ZNF385D: variants seen among roughly 807,000 people sequenced by gnomAD.
ZNF385D encodes zinc finger protein 385D, also known as zinc finger protein 659.
A neutral mutation model predicts 35.8 loss-of-function variants in ZNF385D; 15 were observed. The ratio of observed to expected loss-of-function variants is 0.42; its 90% CI spans 0.28 to 0.64. The LOEUF (loss-of-function observed/expected upper bound fraction) is 0.64, where lower values mean the gene tolerates loss of function less well. ZNF385D is among the 30% of genes least tolerant of loss of function. ZNF385D has a pLI of 0.23. For missense variants in ZNF385D, 474 were observed against 494.6 expected (o/e 0.96, Z 0.39); for synonymous variants, 212 against 186.8 (o/e 1.13, Z -1.10).
chr3:21,909,904 G>T (rs1559745205), intron 3 of ZNF385D, among the ~76,000 whole-genome samples: 1 of 151,980 alleles, frequency 6.6e-6, no homozygotes, highest in Non-Finnish European at 1.5e-5. Flanking sequence ...ATGTATCATT[G>T]TTGATATATG....
chr3:22,169,058 G>C (rs1231129382), intron 2 of ZNF385D: 13 of 968,704 alleles, frequency 1.3e-5, no homozygotes, highest in South Asian at 4.8e-5. Flanking sequence ...GGAAAATTAT[G>C]AACAAGCAGA....
chr3:22,244,364 T>TAAAAAAAAAAAAAAAAAAAA (rs34497539), intron 2 of ZNF385D, among the ~76,000 whole-genome samples: 3 of 62,562 alleles, frequency 4.8e-5, no homozygotes, highest in South Asian at 1.0e-3. Flanking sequence ...CAACCGAATG[T>TAAAAAAAAAAAAAAAAAAAA]AAAAAAAAAA....
intron 3 of ZNF385D, among the ~76,000 whole-genome samples, chr3:21,554,735 C>A (rs958512057): frequency 2.0e-5 from 3 of 152,178 alleles, no homozygotes; most frequent in African/African-American, 4.8e-5. Context: ...TTACTTGCTG[C>A]AGCTCCTACA....
intron 1 of ZNF385D, among the ~76,000 whole-genome samples, chr3:21,714,440 T>G (rs780338458): frequency 1.5e-4 from 23 of 152,196 alleles, no homozygotes; most frequent in Admixed American, 3.3e-4. Context: ...CAACAGAAGA[T>G]AAGTATCATA....
At chr3:22,182,578 A>C (rs985516455) in intron 2 of ZNF385D, among the ~76,000 whole-genome samples, 1 of 152,066 alleles carries the variant, frequency 6.6e-6, no homozygotes, top group African/African-American at 2.4e-5. Context: ...AGATACATTG[A>C]CTAATGTATC....
At chr3:21,766,583 G>C (rs985628311) in intron 3 of ZNF385D, among the ~76,000 whole-genome samples, 2 of 152,142 alleles carry the variant, frequency 1.3e-5, no homozygotes, top group African/African-American at 4.8e-5. Flanking sequence ...TGCAAATCTT[G>C]AGGGAGATAT....
chr3:21,709,480 T>C (rs1010557965), intron 1 of ZNF385D, among the ~76,000 whole-genome samples: 3 of 127,134 alleles, frequency 2.4e-5, no homozygotes, highest in South Asian at 2.4e-4. Context: ...TCCTGAGGCT[T>C]CTATGAAAAC....
intron 3 of ZNF385D, among the ~76,000 whole-genome samples, chr3:21,530,393 G>A (rs2061894431): frequency 6.6e-6 from 1 of 152,194 alleles, no homozygotes; most frequent in Non-Finnish European, 1.5e-5. Flanking sequence ...TTAGGGAGAA[G>A]TACTGGAGTC....
At chr3:21,761,383 G>A (rs2070601136) in intron 3 of ZNF385D, among the ~76,000 whole-genome samples, 1 of 152,202 alleles carries the variant, frequency 6.6e-6, no homozygotes, top group Non-Finnish European at 1.5e-5. Flanking sequence ...GCTAATACAT[G>A]ATGGAACTTT....
chr3:22,225,643 G>A (rs78354687), intron 2 of ZNF385D, among the ~76,000 whole-genome samples: 1 of 152,050 alleles, frequency 6.6e-6, no homozygotes, highest in Non-Finnish European at 1.5e-5. Flanking sequence ...CATCCTAAAG[G>A]CTGTCTTTCC....
rs919463570 is a variant in ZNF385D, at chr3:21,421,413, G to A, written c.989C>T (p.Pro330Leu). The A allele has an allele frequency of 1.2e-6, 2 of 1,613,490 alleles. No individual in the cohort carries two copies. Among genetic ancestry groups the A allele is most frequent in the Non-Finnish European group, 1.7e-6 (2 of 1,179,682 alleles). ...ATTTGGTAGAATTCGTGGAGCCAATGGCTTTGAAGGTTCTTTTGAAAATAC... is the reference window on the plus strand; with the variant it reads ...ATTTGGTAGAATTCGTGGAGCCAATAGCTTTGAAGGTTCTTTTGAAAATAC... ...KLVFSKEPSK[P>L]LAPRILPNPL... Residue 330 changes from proline (P) to leucine (L), a missense_variant, in exon 8 of 8, where the codon CCA becomes CTA. Physicochemically the swap from Pro to Leu is moderately conservative, Grantham distance 98. Transcript: ENST00000281523.
chr3:22,230,106 C>G (rs1466025448), intron 2 of ZNF385D, among the ~76,000 whole-genome samples: 1 of 152,140 alleles, frequency 6.6e-6, no homozygotes. Context: ...CAACGATGAG[C>G]CTCCCAGAGG....
chr3:22,080,597 A>G (rs1196990459), intron 3 of ZNF385D, among the ~76,000 whole-genome samples: 1 of 151,950 alleles, frequency 6.6e-6, no homozygotes, highest in East Asian at 1.9e-4. Context: ...AAAAAATTTT[A>G]TATTTTATAT....
At chr3:22,097,210 TTTTTA>T (rs1701680033) in intron 3 of ZNF385D, among the ~76,000 whole-genome samples, 1 of 152,096 alleles carries the variant, frequency 6.6e-6, no homozygotes, top group Admixed American at 6.6e-5. Context: ...AATATGATTA[TTTTTA>T]TTTTATATCA....
intron 3 of ZNF385D, among the ~76,000 whole-genome samples, chr3:21,937,309 T>C (rs1370314382): frequency 1.3e-5 from 2 of 152,180 alleles, no homozygotes; most frequent in Admixed American, 1.3e-4. Context: ...CTCTGTCATC[T>C]AATTTCACCA....
rs1428588916 is a variant in ZNF385D at position 21,566,119 on chromosome 3, C to CAGTT, written c.166-1439_166-1436dup. ...ACAATAGTAACAATAAAAATAGTAG[C>CAGTT]AGTTAGCATTTATTATAATGCTTTC... On this transcript the variant is annotated intron_variant, in intron 2 of 7. Coordinates refer to ENST00000281523, the MANE Select transcript of ZNF385D (RefSeq NM_024697.3). Among the ~76,000 whole-genome samples, 5 of 152,250 alleles carry CAGTT rather than the reference C, an allele frequency of 3.3e-5. No individual in the cohort carries two copies. The South Asian group carries it at 8.3e-4, about 25-fold the overall frequency.
At chr3:22,249,334 A>G (rs1699950785) in intron 2 of ZNF385D, among the ~76,000 whole-genome samples, 1 of 152,162 alleles carries the variant, frequency 6.6e-6, no homozygotes. Context: ...TGTCTTGATC[A>G]TAGTAGGCAC....
chr3:22,321,708 T>C (rs1694443751), intron 2 of ZNF385D, among the ~76,000 whole-genome samples: 1 of 152,156 alleles, frequency 6.6e-6, no homozygotes, highest in Non-Finnish European at 1.5e-5. Context: ...ATTTTATTCC[T>C]TTCAACTTGC....
rs147646122 is a variant in ZNF385D at position 21,813,548 on chromosome 3, G to A, written c.326-148520C>T. ...GAAAACCATGGCACGAGAATTATGCGACTCATGCACAAGCTTCAGTAGCTG... is the reference window on the plus strand; with the variant it reads ...GAAAACCATGGCACGAGAATTATGCAACTCATGCACAAGCTTCAGTAGCTG... On this transcript the variant is annotated intron_variant, in intron 3 of 5. Coordinates refer to the ZNF385D transcript ENST00000494108. Among the ~76,000 whole-genome samples, 52 of 152,226 alleles carry A rather than the reference G, an allele frequency of 3.4e-4. No individual in the cohort carries two copies. The East Asian group carries it at 9.1e-3, about 27-fold the overall frequency.
Sources: allele counts gnomAD v4.1 joint callset (sites outside exome capture counted in the v4.1 genomes callset), GRCh38; gene constraint gnomAD v4.1.1; transcripts MANE v1.5; gene names NCBI Gene and HGNC (gene_info 2026-07-23, HGNC 2026-07-21).